GALNT14: variants seen among roughly 807,000 people sequenced by gnomAD.
GALNT14 encodes the protein UDP-GalNAc:polypeptide N-acetylgalactosaminyltransferase 14.
A neutral mutation model predicts 77.5 loss-of-function variants in GALNT14; 60 were observed. That is an observed-to-expected ratio of 0.77 (90% confidence interval 0.63 to 0.96). GALNT14 has a LOEUF of 0.96. GALNT14 is among the 40% of genes least tolerant of loss of function. The probability of loss-of-function intolerance (pLI) is 0.00; values close to 1 mark genes in which losing one functional copy is unlikely to be tolerated. For missense variants in GALNT14, 710 were observed against 731.0 expected (o/e 0.97, Z 0.33); for synonymous variants, 280 against 281.7 (o/e 0.99, Z 0.06).
At chr2:30,990,800 C>T (rs77833855) in intron 2 of GALNT14, among the ~76,000 whole-genome samples, 4,109 of 152,328 alleles carry the variant, frequency 0.027, 191 homozygotes, top group African/African-American at 0.094. Flanking sequence ...CCAGCTCCCA[C>T]AGGGCAAGGC....
At chr2:31,055,184 G>A (rs371037349) in intron 1 of GALNT14, among the ~76,000 whole-genome samples, 5 of 152,194 alleles carry the variant, frequency 3.3e-5, no homozygotes, top group African/African-American at 4.8e-5. Flanking sequence ...CTGCAGGCTC[G>A]CTGCTCTCAA....
At chr2:31,039,877 C>T (rs774639067) in intron 1 of GALNT14, among the ~76,000 whole-genome samples, 2 of 152,278 alleles carry the variant, frequency 1.3e-5, no homozygotes, top group South Asian at 2.1e-4. Context: ...ATAAACTTCA[C>T]ATGAGAAATG....
At chr2:30,976,606 CGTGTGCGTGTGTGTAT>C (rs1668643045) in intron 2 of GALNT14, among the ~76,000 whole-genome samples, 1 of 144,156 alleles carries the variant, frequency 6.9e-6, no homozygotes, top group Non-Finnish European at 1.5e-5. Flanking sequence ...TGTGCATGTG[CGTGTGCGTGTGTGTAT>C]GTGTGTGTGT....
intron 1 of GALNT14, among the ~76,000 whole-genome samples, chr2:31,073,335 A>T (rs761259670): frequency 6.6e-6 from 1 of 152,238 alleles, no homozygotes; most frequent in African/African-American, 2.4e-5. Context: ...CATGTTGACT[A>T]TATGCAGATA....
intron 11 of GALNT14, among the ~76,000 whole-genome samples, chr2:30,928,465 G>A (rs1163162758): frequency 6.6e-6 from 1 of 152,098 alleles, no homozygotes; most frequent in African/African-American, 2.4e-5. Context: ...CTCTGCCATG[G>A]TGTCATCTAG....
chr2:30,958,654 C>A (rs1390897774), intron 3 of GALNT14, among the ~76,000 whole-genome samples, 190 bp from the exon 4 acceptor site: 1 of 152,102 alleles, frequency 6.6e-6, no homozygotes, highest in Non-Finnish European at 1.5e-5. Flanking sequence ...TTAGTGAATA[C>A]CTCCACCACC....
At chr2:31,032,947 C>A (rs141938970) in intron 1 of GALNT14, among the ~76,000 whole-genome samples, 39 of 152,294 alleles carry the variant, frequency 2.6e-4, no homozygotes, top group African/African-American at 8.2e-4. Context: ...GCTCCCAGAG[C>A]AGCCCTGAGT....
At chr2:31,069,563 C>G (rs570660313) in intron 1 of GALNT14, among the ~76,000 whole-genome samples, 154 of 152,158 alleles carry the variant, frequency 1.0e-3, no homozygotes, top group African/African-American at 3.6e-3. Flanking sequence ...CCCTGAGTGC[C>G]GGCACCCTGG....
intron 1 of GALNT14, among the ~76,000 whole-genome samples, chr2:31,016,753 C>G (rs892159805): frequency 1.3e-5 from 2 of 152,182 alleles, no homozygotes; most frequent in African/African-American, 4.8e-5. Context: ...TGAGATACAT[C>G]CTTGCAGAGC....
At chr2:31,059,591 A>G (rs893053659) in intron 1 of GALNT14, among the ~76,000 whole-genome samples, 1 of 152,174 alleles carries the variant, frequency 6.6e-6, no homozygotes, top group Admixed American at 6.5e-5. Context: ...CTTGAGTCCC[A>G]GCTACTTGAG....
rs1184109813 is a variant in GALNT14 at position 31,017,751 on chromosome 2, A to G, written c.130-24744T>C. The stretch of plus-strand genomic sequence containing the variant: ...TGCCAGCACCGCTGCACAGGGCACA[A>G]TGGAATGGCTGAGAAAGAGGGCGCT... On this transcript the variant is annotated intron_variant, in intron 1 of 14. Transcript: ENST00000349752. Among the ~76,000 whole-genome samples, 10 of 152,336 alleles carry G rather than the reference A, an allele frequency of 6.6e-5. No individual in the cohort carries two copies. The East Asian group carries it at 1.4e-3, about 21-fold the overall frequency.
chr2:31,013,575 C>T (rs1333618206), intron 1 of GALNT14, among the ~76,000 whole-genome samples: 2 of 152,142 alleles, frequency 1.3e-5, no homozygotes, highest in Admixed American at 1.3e-4. Flanking sequence ...GCTGAGGTGC[C>T]GTTCAAGTAC....
chr2:30,901,539 CATAT>C, the GALNT14 span, among the ~76,000 whole-genome samples: 2 of 151,018 alleles, frequency 1.3e-5, no homozygotes, highest in African/African-American at 2.4e-5. Context: ...TCCTTTAATA[CATAT>C]ATATGAGTAT....
At chr2:30,904,975 T>C in the GALNT14 span, among the ~76,000 whole-genome samples, 17 of 151,950 alleles carry the variant, frequency 1.1e-4, no homozygotes, top group South Asian at 8.3e-4. Flanking sequence ...CGGCAGGGTA[T>C]TCCAACAGAC....
intron 1 of GALNT14, among the ~76,000 whole-genome samples, chr2:31,113,585 G>T (rs1420237434): frequency 6.6e-6 from 1 of 152,106 alleles, no homozygotes; most frequent in Non-Finnish European, 1.5e-5. Context: ...ATTCCTTCTG[G>T]TGCTGCAAGG....
intron 13 of GALNT14, among the ~76,000 whole-genome samples, chr2:30,918,759 G>T (rs1664852891): frequency 6.8e-6 from 1 of 147,504 alleles, no homozygotes; most frequent in Non-Finnish European, 1.5e-5. Flanking sequence ...GGTGGCATCA[G>T]GCAGGGAGGG....
chr2:30,974,807 G>A (rs565777417), intron 2 of GALNT14, among the ~76,000 whole-genome samples: 1 of 152,270 alleles, frequency 6.6e-6, no homozygotes, highest in South Asian at 2.1e-4. Flanking sequence ...TGAAGGCAAG[G>A]ACTTATTTGT....
chr2:31,074,701 G>A (rs1234954358), intron 1 of GALNT14, among the ~76,000 whole-genome samples: 1 of 152,172 alleles, frequency 6.6e-6, no homozygotes, highest in Admixed American at 6.5e-5. Context: ...GAGGGAGAGA[G>A]AGAACACTCA....
At chr2:31,089,979 C>G (rs1403141523) in intron 1 of GALNT14, among the ~76,000 whole-genome samples, 2 of 152,202 alleles carry the variant, frequency 1.3e-5, no homozygotes, top group Admixed American at 1.3e-4. Context: ...AAGTTACATG[C>G]AGAGGAAACA....
Sources: gnomAD v4.1 joint callset for allele counts (sites outside exome capture counted in the v4.1 genomes callset) on GRCh38, gnomAD v4.1.1 for gene constraint, MANE v1.5 for transcripts, NCBI Gene and HGNC (gene_info 2026-07-23, HGNC 2026-07-21) for gene names.